Variants in IRAG1 observed in about 807,000 individuals in gnomAD.
The protein encoded by IRAG1 is inositol 1,4,5-triphosphate receptor associated 1.
Under a neutral mutation model 106.2 loss-of-function variants are expected in IRAG1, and 62 were observed. The ratio of observed to expected loss-of-function variants is 0.58; its 90% CI spans 0.48 to 0.72. The LOEUF (loss-of-function observed/expected upper bound fraction) is 0.72. Among genes scored for constraint, IRAG1 ranks in the 30% least tolerant of loss-of-function variants. The pLI, the probability that IRAG1 is intolerant of heterozygous loss-of-function variation, is 0.00. For synonymous variants in IRAG1, 462 were observed against 443.9 expected (o/e 1.04, Z -0.51); for missense variants, 1,064 against 1,140.7 (o/e 0.93, Z 0.97).
intron 18 of IRAG1, among the ~76,000 whole-genome samples, chr11:10,585,086 T>A (rs1851812617): frequency 6.6e-6 from 1 of 152,216 alleles, no homozygotes; most frequent in African/African-American, 2.4e-5. Flanking sequence ...TACATTTTCA[T>A]AAAATGGCTT....
chr11:10,587,175 T>A (rs1326690443), intron 18 of IRAG1, among the ~76,000 whole-genome samples: 1 of 152,212 alleles, frequency 6.6e-6, no homozygotes, highest in Non-Finnish European at 1.5e-5. Flanking sequence ...GTGCACCAGG[T>A]CAAAAATGTT....
chr11:10,574,860 T>C lies in IRAG1; in HGVS notation c.*1472A>G, dbSNP rs944181472. ...GTTGAGCTCCAGCCCCATGATTTACTACCGGGGTGTCCTTGTCAAGTTACT... is the reference window on the plus strand; with the variant it reads ...GTTGAGCTCCAGCCCCATGATTTACCACCGGGGTGTCCTTGTCAAGTTACT... On this transcript the variant is annotated 3_prime_UTR_variant, in exon 21 of 21. Coordinates refer to ENST00000423302, the MANE Select transcript of IRAG1 (RefSeq NM_130385.4). 1 of 152,174 alleles carries C rather than the reference T, an allele frequency of 6.6e-6. No homozygotes were observed. The highest frequency in any genetic ancestry group is 2.4e-5 in the African/African-American group (1 of 41,442). 9.4% of individuals were successfully genotyped at this position (152,174 alleles called of 1,614,324 possible).
chr11:10,617,833 A>C (rs1047261508), intron 10 of IRAG1, among the ~76,000 whole-genome samples: 8 of 152,038 alleles, frequency 5.3e-5, no homozygotes, highest in African/African-American at 1.9e-4. Flanking sequence ...TCCTGTCCAC[A>C]TTTACTACCA....
intron 1 of IRAG1, among the ~76,000 whole-genome samples, chr11:10,689,205 G>A (rs1386270554): frequency 6.6e-6 from 1 of 151,626 alleles, no homozygotes; most frequent in Non-Finnish European, 1.5e-5. Flanking sequence ...ATTTTTTTAA[G>A]AAGGGAAACA....
At chr11:10,602,766 A>T (rs1295627969) in intron 14 of IRAG1, among the ~76,000 whole-genome samples, 2 of 152,196 alleles carry the variant, frequency 1.3e-5, no homozygotes, top group Admixed American at 6.5e-5. Context: ...TGTGGGGGGA[A>T]TTCTTCAGTT....
rs1223126561 is a variant in IRAG1, at chr11:10,680,337, G to GA, written c.67+13198dup. Among the ~76,000 whole-genome samples, 282 of 100,114 alleles carry GA rather than the reference G, an allele frequency of 2.8e-3. 9 individuals are homozygous for GA. The highest frequency in any genetic ancestry group is 0.012 in the African/African-American group (267 of 22,344). 65.7% of individuals were successfully genotyped at this position (100,114 alleles called of 152,430 possible). ...GGGAGGGAGGGGGGAAGGAAGGAAG[G>GA]AAGGAAGGAAAGAAAGAAAGAAAGA... is the stretch of plus-strand genomic sequence containing the variant. On this transcript the variant is annotated intron_variant, in intron 1 of 20. Transcript: ENST00000423302.
At chr11:10,581,685 T>G (rs1367442237) in intron 19 of IRAG1, among the ~76,000 whole-genome samples, 182 bp downstream of exon 19, 1 of 152,190 alleles carries the variant, frequency 6.6e-6, no homozygotes, top group East Asian at 1.9e-4. Context: ...CCTCTGACCC[T>G]GCTTCCTCCT....
At chr11:10,689,173 A>G (rs1861876499) in intron 1 of IRAG1, among the ~76,000 whole-genome samples, 1 of 151,220 alleles carries the variant, frequency 6.6e-6, no homozygotes, top group African/African-American at 2.4e-5. Context: ...CGGTTATTAA[A>G]CCTTAGCTAA....
At chr11:10,633,937 T>C (rs1349366859) in intron 3 of IRAG1, 31 bp downstream of exon 3, 8 of 1,334,880 alleles carry the variant, frequency 6.0e-6, no homozygotes, top group Non-Finnish European at 8.5e-6. Flanking sequence ...GAAATATTGT[T>C]TGTCACAATG....
At position 10,628,413 on chromosome 11, in the gene IRAG1, C is replaced by G. The variant is rs890658762; in HGVS notation, c.652+338G>C. Among the ~76,000 whole-genome samples, 3 of 152,144 alleles carry G rather than the reference C, an allele frequency of 2.0e-5. No homozygotes were observed. Among genetic ancestry groups the G allele is most frequent in the African/African-American group, 2.4e-5 (1 of 41,436 alleles). On this transcript the variant is annotated intron_variant, in intron 6 of 20. Coordinates refer to ENST00000423302, the MANE Select transcript of IRAG1 (RefSeq NM_130385.4). The surrounding 1 kb of genome is among the most constrained non-coding windows in gnomAD (Gnocchi z 4.1). ...GCCTAATGAAAGGGAAGAAGTCAGA[C>G]CCCAAAGAGGCCTTTCTGTATAAGC...
intron 1 of IRAG1, chr11:10,687,611 T>G: frequency 3.5e-6 from 4 of 1,134,956 alleles, no homozygotes; most frequent in Admixed American, 3.3e-5. Context: ...AGGAAAGAGG[T>G]GTTATTTATT....
At chr11:10,674,641 G>A (rs967524321) in intron 1 of IRAG1, among the ~76,000 whole-genome samples, 1 of 152,156 alleles carries the variant, frequency 6.6e-6, no homozygotes, top group Non-Finnish European at 1.5e-5. Context: ...CAGACCTGGC[G>A]ACCTGGCCCA....
rs1048108893 is a variant in IRAG1 at position 10,576,396 on chromosome 11, G to A, written c.2675C>T (p.Ser892Leu). The A allele has an allele frequency of 1.9e-6, 3 of 1,613,930 alleles. No individual in the cohort carries two copies. The highest frequency in any genetic ancestry group is 2.5e-6 in the Non-Finnish European group (3 of 1,179,872). Reference protein sequence around the residue: ...ADGPLGRSTCSAAQRDSWWSS... With the variant: ...ADGPLGRSTCLAAQRDSWWSS... Reference sequence around the variant, plus strand: ...CCACCAGGAGTCCCTCTGGGCTGCCGAGCAAGTGGATCTTCCAAGGGGCCC... The same window carrying A: ...CCACCAGGAGTCCCTCTGGGCTGCCAAGCAAGTGGATCTTCCAAGGGGCCC... The change falls in exon 21 of 21, where the codon TCG (serine) becomes TTG (leucine). Residue 892 changes from serine to leucine, a missense_variant. Transcript: ENST00000423302.
chr11:10,628,224 C>T lies in IRAG1; in HGVS notation c.653-199G>A. 1.4e-6 allele frequency: 1 copy of T among 693,984 alleles called. No homozygotes were observed. Among genetic ancestry groups the T allele is most frequent in the South Asian group, 1.6e-5 (1 of 63,680 alleles). 43.0% of individuals were successfully genotyped at this position (693,984 alleles called of 1,614,324 possible). The stretch of plus-strand genomic sequence containing the variant: ...GAGACCACAGGAGGAAACTGAGGCA[C>T]AGGGAAATCAAAGTCTCATGGCCAG... On this transcript the variant is annotated intron_variant, in intron 6 of 20. Coordinates refer to ENST00000423302, the MANE Select transcript of IRAG1 (RefSeq NM_130385.4). The surrounding 1 kb of genome is among the most constrained non-coding windows in gnomAD (Gnocchi z 4.1).
At chr11:10,586,875 G>T (rs1445239792) in intron 18 of IRAG1, among the ~76,000 whole-genome samples, 1 of 152,194 alleles carries the variant, frequency 6.6e-6, no homozygotes, top group Non-Finnish European at 1.5e-5. Context: ...GTGCCTTTAA[G>T]TGCCTGTCAA....
chr11:10,580,657 A>C, intron 19 of IRAG1, 68 bp from the exon 20 acceptor site: 1 of 1,561,842 alleles, frequency 6.4e-7, no homozygotes, highest in Non-Finnish European at 8.7e-7. Context: ...CTGAGTTCCT[A>C]GGGGAGGGGA....
chr11:10,588,275 C>T (rs1381394713), intron 18 of IRAG1, among the ~76,000 whole-genome samples: 1 of 152,204 alleles, frequency 6.6e-6, no homozygotes, highest in Non-Finnish European at 1.5e-5. Flanking sequence ...TTGTTAACCT[C>T]CTGTTCACCT....
At chr11:10,594,362 T>C (rs982654336) in intron 15 of IRAG1, 167 bp from the exon 16 acceptor site, 33 of 603,050 alleles carry the variant, frequency 5.5e-5, no homozygotes, top group Admixed American at 8.8e-5. Flanking sequence ...TCCTTTGAGA[T>C]GGGGCTGCAG....
At chr11:10,677,525 C>G (rs897232026) in intron 1 of IRAG1, among the ~76,000 whole-genome samples, 1 of 152,124 alleles carries the variant, frequency 6.6e-6, no homozygotes, top group Non-Finnish European at 1.5e-5. Flanking sequence ...CTACCCCGTC[C>G]CCTCCCCTCA....
Sources: gnomAD v4.1 joint callset for allele counts (sites outside exome capture counted in the v4.1 genomes callset) on GRCh38, gnomAD v4.1.1 for gene constraint, Gnocchi (gnomAD v3.1) non-coding constraint, MANE v1.5 for transcripts, NCBI Gene and HGNC (gene_info 2026-07-23, HGNC 2026-07-21) for gene names.